Variants in MICAL2 observed in about 807,000 individuals in gnomAD.
MICAL2 encodes microtubule associated monooxygenase, calponin and LIM domain containing 2.
MICAL2 carries 77 observed loss-of-function variants against 127.3 expected under a neutral mutation model. The ratio of observed to expected loss-of-function variants is 0.60; its 90% confidence interval spans 0.50 to 0.73. The LOEUF (loss-of-function observed/expected upper bound fraction) is 0.73, where lower values mean the gene tolerates loss of function less well. Ranked by LOEUF, MICAL2 falls within the 30% of genes least tolerant of loss-of-function variation. MICAL2 has a pLI of 0.00. For synonymous variants in MICAL2, 570 were observed against 551.1 expected, an observed-to-expected ratio of 1.03 and a Z score of -0.48; for missense variants, 1,351 against 1,434.4, an observed-to-expected ratio of 0.94 and a Z score of 0.94.
intron 17 of MICAL2, 46 bp from the exon 18 acceptor site, chr11:12,240,994 C>A: frequency 6.2e-7 from 1 of 1,604,042 alleles, no homozygotes; most frequent in Non-Finnish European, 8.5e-7. Context: ...CCTTTTCCTT[C>A]ATGTCTCCTG....
chr11:12,189,396 G>T (rs903609091), intron 3 of MICAL2, among the ~76,000 whole-genome samples: 1 of 152,096 alleles, frequency 6.6e-6, no homozygotes, highest in Non-Finnish European at 1.5e-5. Flanking sequence ...CAGATATGAT[G>T]CCTAGAAAAT....
intron 8 of MICAL2, among the ~76,000 whole-genome samples, chr11:12,219,115 G>A (rs986656607): frequency 1.3e-5 from 2 of 152,182 alleles, no homozygotes; most frequent in African/African-American, 4.8e-5. Context: ...CAGCAGAGGT[G>A]GACTTTGACC....
At chr11:12,230,468 T>C (rs544930946) in intron 15 of MICAL2, among the ~76,000 whole-genome samples, 11 of 152,266 alleles carry the variant, frequency 7.2e-5, no homozygotes, top group African/African-American at 2.6e-4. Context: ...GTCTATACAA[T>C]AGCCCTCCCC....
At chr11:12,152,965 T>A (rs1853760502) in intron 2 of MICAL2, among the ~76,000 whole-genome samples, 1 of 151,844 alleles carries the variant, frequency 6.6e-6, no homozygotes, top group Non-Finnish European at 1.5e-5. Context: ...TTTTTTTTTG[T>A]TTGCATTTTA....
intron 27 of MICAL2, chr11:12,263,238 G>C (rs1342049108): frequency 6.6e-6 from 1 of 152,160 alleles, no homozygotes; most frequent in Non-Finnish European, 1.5e-5. Flanking sequence ...ATCCCAGGCA[G>C]GGATATCTTT....
At chr11:12,179,243 C>G (rs1020653869) in intron 3 of MICAL2, among the ~76,000 whole-genome samples, 43 of 152,176 alleles carry the variant, frequency 2.8e-4, no homozygotes, top group African/African-American at 1.0e-3. Context: ...AGGCTCCTCC[C>G]CTAGTTCTCA....
At chr11:12,118,260 T>C (rs774498373) in intron 1 of MICAL2, among the ~76,000 whole-genome samples, 6 of 152,190 alleles carry the variant, frequency 3.9e-5, no homozygotes, top group Non-Finnish European at 5.9e-5. Context: ...CACGCACACA[T>C]AGATGCACGG....
chr11:12,266,761 C>G (rs952335986), downstream of MICAL2, among the ~76,000 whole-genome samples: 2 of 152,254 alleles, frequency 1.3e-5, no homozygotes, highest in African/African-American at 2.4e-5. Context: ...CTGGGCTCCA[C>G]CAAAGACCAG....
rs1862867745 is a variant in MICAL2 at position 12,259,904 on chromosome 11, C to A, written c.3334+7C>A. The A allele has an allele frequency of 1.2e-6, 2 of 1,613,176 alleles. No individual in the cohort carries two copies. The highest frequency in any genetic ancestry group is 4.5e-5 in the East Asian group (2 of 44,830). On this transcript the variant is annotated splice_region_variant and intron_variant, in intron 26 of 27. Coordinates refer to ENST00000683283, the MANE Select transcript of MICAL2 (RefSeq NM_001282663.2). The stretch of plus-strand genomic sequence containing the variant: ...CTGGAAGGCAGCCCCCCAGGTATCT[C>A]CACCTCCTTCTTTAGGAAGGTGCTG...
At chr11:12,260,032 A>C (rs1284468621) in intron 26 of MICAL2, 135 bp downstream of exon 26, 1 of 1,545,022 alleles carries the variant, frequency 6.5e-7, no homozygotes, top group Non-Finnish European at 8.7e-7. Context: ...CTACTGCTAC[A>C]TGTACGAGCT....
At chr11:12,197,717 T>C (rs1236800632) in intron 3 of MICAL2, 3 of 152,156 alleles carry the variant, frequency 2.0e-5, no homozygotes, top group Admixed American at 6.5e-5. Context: ...TAGGCAGCAG[T>C]GTGAACGAAC....
upstream of MICAL2, among the ~76,000 whole-genome samples, chr11:12,272,158 G>A (rs768743853): frequency 5.3e-5 from 8 of 152,188 alleles, no homozygotes; most frequent in African/African-American, 2.4e-5. Flanking sequence ...GGGCTCTGAG[G>A]CGTGGGGGCT....
downstream of MICAL2, chr11:12,292,419 G>T (rs766393128): frequency 2.4e-5 from 25 of 1,056,080 alleles, no homozygotes; most frequent in East Asian, 5.7e-4. Flanking sequence ...CAAAGCCAGC[G>T]CCAGAAGATA....
chr11:12,157,460 C>T (rs1854314448), intron 2 of MICAL2, among the ~76,000 whole-genome samples: 1 of 152,096 alleles, frequency 6.6e-6, no homozygotes. Context: ...GTCACATAGG[C>T]AGGGGAGCAG....
downstream of MICAL2, among the ~76,000 whole-genome samples, chr11:12,288,782 C>T (rs1009138331): frequency 6.6e-5 from 10 of 152,164 alleles, no homozygotes; most frequent in African/African-American, 2.4e-4. Context: ...CCCTAGAGGG[C>T]GCTCCAAGAC....
chr11:12,217,736 G>A (rs373520899), intron 8 of MICAL2, among the ~76,000 whole-genome samples: 1 of 152,096 alleles, frequency 6.6e-6, no homozygotes, highest in Non-Finnish European at 1.5e-5. Context: ...CTTCCCTGGC[G>A]GTTGTCAAAG....
intron 21 of MICAL2, among the ~76,000 whole-genome samples, chr11:12,248,733 G>A (rs1047325863): frequency 7.3e-5 from 2 of 27,572 alleles, no homozygotes; most frequent in Non-Finnish European, 1.8e-4. Context: ...TTTGTCTGGG[G>A]CATCCCGCCT....
intron 4 of MICAL2, among the ~76,000 whole-genome samples, chr11:12,206,342 G>A (rs536706563): frequency 5.9e-5 from 9 of 152,244 alleles, no homozygotes; most frequent in Non-Finnish European, 7.4e-5. Flanking sequence ...ATCCTGCAGC[G>A]TGCCGTAATG....
intron 7 of MICAL2, among the ~76,000 whole-genome samples, chr11:12,215,027 T>G (rs1855966998): frequency 6.6e-6 from 1 of 152,238 alleles, no homozygotes; most frequent in Admixed American, 6.5e-5. Flanking sequence ...TTCACCTCCA[T>G]TGCATTATTC....
Sources: gnomAD v4.1 joint callset for allele counts (sites outside exome capture counted in the v4.1 genomes callset) on GRCh38, gnomAD v4.1.1 for gene constraint, MANE v1.5 for transcripts, NCBI Gene and HGNC (gene_info 2026-07-23, HGNC 2026-07-21) for gene names.